Variants in TRIM35 observed in about 807,000 individuals in gnomAD.
TRIM35 encodes tripartite motif containing 35, also known as E3 ubiquitin-protein ligase TRIM35.
Under a neutral mutation model 49.1 loss-of-function variants are expected in TRIM35, and 37 were observed. The ratio of observed to expected loss-of-function variants is 0.75; its 90% confidence interval spans 0.58 to 0.99. The LOEUF (loss-of-function observed/expected upper bound fraction) is 0.99, where lower values mean the gene tolerates loss of function less well. Ranked by LOEUF, TRIM35 falls within the 50% of genes least tolerant of loss-of-function variation. TRIM35 has a pLI of 0.00. For missense variants in TRIM35, 648 were observed against 702.7 expected, an observed-to-expected ratio of 0.92 and a Z score of 0.88; for synonymous variants, 302 against 289.3, an observed-to-expected ratio of 1.04 and a Z score of -0.45.
At chr8:27,298,252 T>C (rs998108928) in intron 2 of TRIM35, among the ~76,000 whole-genome samples, 1 of 152,186 alleles carries the variant, frequency 6.6e-6, no homozygotes, top group Non-Finnish European at 1.5e-5. Context: ...CTGTGGCTGC[T>C]GGCATGACCA....
At position 27,288,440 on chromosome 8, in the gene TRIM35, A is replaced by G. The variant is rs1288963390; in HGVS notation, c.905-313T>C. 2.6e-5 allele frequency among the ~76,000 whole-genome samples: 4 copies of G among 152,206 alleles called. No homozygotes were observed. In the East Asian group the frequency reaches 7.7e-4, roughly 29 times the overall value. ...TGTGTCCTTAAAATAAAGAGGAGAC[A>G]GACACAGATACACAGGGGAGAATGC... On this transcript the variant is annotated intron_variant, in intron 5 of 5. Transcript: ENST00000305364.
At chr8:27,306,995 G>A (rs1802799312) in intron 1 of TRIM35, among the ~76,000 whole-genome samples, 1 of 152,098 alleles carries the variant, frequency 6.6e-6, no homozygotes, top group South Asian at 2.1e-4. Context: ...TTTATACCAG[G>A]TTTGCATTTG....
Position 27,287,913 on chromosome 8 carries a change from T to C in TRIM35, c.1119A>G (p.Val373=). ...CAGCGCCCGAGTCCTGGCGCACACGTACCACGCCCACCCTCCAGCTCTGCA... is the reference window on the plus strand; with the variant it reads ...CAGCGCCCGAGTCCTGGCGCACACGCACCACGCCCACCCTCCAGCTCTGCA... ...GGLQSWRVGV[V]RVRQDSGAEG... Residue 373 remains valine (V), a synonymous_variant, in exon 6 of 6, where the codon GTA becomes GTG. Transcript: ENST00000305364. This position sits in a 1 kb window ranked among gnomAD's most constrained non-coding sequence, Gnocchi z 6.0. 1 of 1,613,000 alleles carries C rather than the reference T, an allele frequency of 6.2e-7. No homozygotes were observed.
In TRIM35 at chr8:27,310,936, G is replaced by T. The variant is rs950522041; in HGVS notation, c.300C>A (p.Val100=). Residue 100 remains valine (V), a synonymous_variant, in exon 1 of 6, where the codon GTC becomes GTA. Transcript: ENST00000305364. ...ARWTSYRFSR[V]CRLHRGQLSL... is the part of the protein sequence containing the mutation. ...TGAGCTGTCCGCGGTGCAGGCGGCA[G>T]ACACGCGAGAAGCGGTAGCTGGTCC... The T allele has an allele frequency of 6.8e-6, 11 of 1,612,572 alleles. No individual in the cohort carries two copies. Among genetic ancestry groups the T allele is most frequent in the Non-Finnish European group, 9.3e-6 (11 of 1,179,778 alleles).
intron 2 of TRIM35, among the ~76,000 whole-genome samples, chr8:27,294,551 G>A (rs982725523): frequency 3.3e-5 from 5 of 152,140 alleles, no homozygotes; most frequent in African/African-American, 1.2e-4. Flanking sequence ...TAAAATCACA[G>A]CTTATATAGA....
chr8:27,304,522 A>G (rs1802743691), intron 1 of TRIM35, among the ~76,000 whole-genome samples: 2 of 152,192 alleles, frequency 1.3e-5, no homozygotes, highest in African/African-American at 4.8e-5. Context: ...CCTCTGTCTC[A>G]GCACTCACTA....
intron 1 of TRIM35, among the ~76,000 whole-genome samples, chr8:27,310,425 T>C (rs17446091): frequency 0.18 from 27,348 of 152,196 alleles, 2,710 homozygotes; most frequent in Middle Eastern, 0.36. Flanking sequence ...CACTTCTAAA[T>C]TGAGTGTGCC....
intron 2 of TRIM35, among the ~76,000 whole-genome samples, chr8:27,296,468 C>T (rs979879848): frequency 7.2e-5 from 11 of 152,172 alleles, no homozygotes; most frequent in African/African-American, 2.4e-4. Context: ...CTTTCCTCAT[C>T]GACCTGATAA....
In TRIM35 at chr8:27,294,309, A is replaced by G. The variant is rs772995880; in HGVS notation, c.533T>C (p.Val178Ala). Residue 178 changes from valine (V) to alanine (A), a missense_variant and splice_region_variant, in exon 3 of 6, where the codon GTG becomes GCG. Val to Ala is a moderately conservative substitution (Grantham distance 64). Transcript: ENST00000305364. ...SYEAIAKHNQ[V>A]EAAWLEGRIR... The stretch of plus-strand genomic sequence containing the variant: ...CCGGCCTTCCAGCCATGCAGCCTCC[A>G]CCTACGGAAGACAGCAGGAGGAGTC... 20 of 1,612,838 alleles carry G rather than the reference A, an allele frequency of 1.2e-5. No homozygotes were observed. The highest frequency in any genetic ancestry group is 1.7e-5 in the Non-Finnish European group (20 of 1,179,738).
In TRIM35 at chr8:27,310,966, C is replaced by T; in HGVS notation, c.270G>A (p.Ala90=). The part of the protein sequence containing the change: ...EKLLREEAEG[A]RWTSYRFSRV... ...GCGAGAAGCGGTAGCTGGTCCAGCG[C>T]GCGCCCTCGGCCTCCTCGCGCAGCA... The change falls in exon 1 of 6, where the codon GCG becomes GCA. Residue 90 remains alanine (A), a synonymous_variant. Transcript: ENST00000305364. 1.2e-6 allele frequency: 2 copies of T among 1,612,402 alleles called. No individual in the cohort carries two copies. Among genetic ancestry groups the T allele is most frequent in the Non-Finnish European group, 1.7e-6 (2 of 1,179,600 alleles).
chr8:27,291,466 T>C (rs905367380), intron 3 of TRIM35, among the ~76,000 whole-genome samples: 2 of 152,210 alleles, frequency 1.3e-5, no homozygotes, highest in Non-Finnish European at 2.9e-5. Context: ...TATAAAATGA[T>C]ACAGTTGCTC....
chr8:27,286,223 G>A lies in TRIM35; in HGVS notation c.*1327C>T. The A allele has an allele frequency of 2.2e-6, 1 of 451,170 alleles. No homozygotes were observed. Among genetic ancestry groups the A allele is most frequent in the Admixed American group, 2.4e-5 (1 of 41,592 alleles). 27.9% of individuals were successfully genotyped at this position (451,170 alleles called of 1,614,324 possible). A position where few individuals can be genotyped will look rare whatever the true frequency, so the allele number is the denominator to read the frequency against. On this transcript the variant is annotated 3_prime_UTR_variant, in exon 6 of 6. Coordinates refer to ENST00000305364, the MANE Select transcript of TRIM35 (RefSeq NM_171982.5). ...TTAAAAACTCTTCAGAGATGTGCGA[G>A]AAAAAACAAGCCCAGGGAAAAGTCT...
At chr8:27,307,031 T>C (rs766173539) in intron 1 of TRIM35, among the ~76,000 whole-genome samples, 5 of 152,242 alleles carry the variant, frequency 3.3e-5, no homozygotes, top group Non-Finnish European at 5.9e-5. Context: ...TAACATAATT[T>C]AACTCTCACT....
At chr8:27,310,740 A>G (rs1586061537) in intron 1 of TRIM35, 61 bp downstream of exon 1, 2 of 1,506,944 alleles carry the variant, frequency 1.3e-6, no homozygotes, top group African/African-American at 1.4e-5. Flanking sequence ...GGAGCCGCAG[A>G]GCCAAGGGAT....
chr8:27,288,230 C>T, intron 5 of TRIM35, 103 bp from the exon 6 acceptor site: 1 of 1,168,230 alleles, frequency 8.6e-7, no homozygotes, highest in Non-Finnish European at 1.2e-6. Context: ...CACACCTGGC[C>T]CCAAGTCCAT....
At chr8:27,305,852 G>T (rs1028903231) in intron 1 of TRIM35, among the ~76,000 whole-genome samples, 1 of 152,158 alleles carries the variant, frequency 6.6e-6, no homozygotes, top group Admixed American at 6.5e-5. Flanking sequence ...ATTTATTTAT[G>T]TAAGATACAG....
Position 27,294,280 on chromosome 8 carries a change from G to C in TRIM35, c.562C>G (p.Arg188Gly). 6.2e-7 allele frequency: 1 copy of C among 1,613,972 alleles called. No homozygotes were observed. The stretch of plus-strand genomic sequence containing the variant: ...TCGCGAAGCTTATCAAACTCCTGCC[G>C]GATCCGGCCTTCCAGCCATGCAGCC... ...VEAAWLEGRI[R>G]QEFDKLREFL... The change falls in exon 3 of 6, where the codon CGG becomes GGG. Residue 188 changes from arginine (R) to glycine (G), a missense_variant. Coordinates refer to ENST00000305364, the MANE Select transcript of TRIM35 (RefSeq NM_171982.5).
At position 27,311,200 on chromosome 8, in the gene TRIM35, G is replaced by C; in HGVS notation, c.36C>G (p.Ser12=). 6.3e-7 allele frequency: 1 copy of C among 1,595,346 alleles called. No individual in the cohort carries two copies. The highest frequency in any genetic ancestry group is 8.5e-7 in the Non-Finnish European group (1 of 1,169,764). Residue 12 remains serine, a synonymous_variant, in exon 1 of 6, where the codon TCC becomes TCG. Coordinates refer to ENST00000305364, the MANE Select transcript of TRIM35 (RefSeq NM_171982.5). ...ERSPDVSPGP[S]RSFKEELLCA... Reference sequence around the variant, plus strand: ...AGAGCAACTCCTCCTTGAAGGAGCGGGAAGGCCCGGGGGACACGTCGGGAC... The same window carrying C: ...AGAGCAACTCCTCCTTGAAGGAGCGCGAAGGCCCGGGGGACACGTCGGGAC...
At chr8:27,296,813 T>C (rs1802578592) in intron 2 of TRIM35, among the ~76,000 whole-genome samples, 1 of 152,240 alleles carries the variant, frequency 6.6e-6, no homozygotes. Context: ...TTTCAACATG[T>C]ATTTATGGCT....
Sources: gnomAD v4.1 joint callset for allele counts (sites outside exome capture counted in the v4.1 genomes callset) on GRCh38, gnomAD v4.1.1 for gene constraint, Gnocchi (gnomAD v3.1) non-coding constraint, MANE v1.5 for transcripts, NCBI Gene and HGNC (gene_info 2026-07-23, HGNC 2026-07-21) for gene names.